DSCAM: variants seen among roughly 807,000 people sequenced by gnomAD.
DSCAM encodes DS cell adhesion molecule, also known as cell adhesion molecule DSCAM.
Under a neutral mutation model 217.7 loss-of-function variants are expected in DSCAM, and 47 were observed. The observed-to-expected ratio is 0.22, with a 90% confidence interval of 0.17 to 0.28. The LOEUF (loss-of-function observed/expected upper bound fraction) is 0.28, where lower values mean the gene tolerates loss of function less well. Among genes scored for constraint, DSCAM ranks in the 10% least tolerant of loss-of-function variants. The pLI is 1.00. For synonymous variants in DSCAM, 1,056 were observed against 1,015.3 expected, an observed-to-expected ratio of 1.04 and a Z score of -0.76; for missense variants, 2,080 against 2,618.3, an observed-to-expected ratio of 0.79 and a Z score of 4.49.
chr21:40,171,058 C>T (rs558373510), intron 15 of DSCAM, among the ~76,000 whole-genome samples: 4 of 152,276 alleles, frequency 2.6e-5, no homozygotes, highest in Admixed American at 2.6e-4. Flanking sequence ...GAGTAACTTA[C>T]TTTTCCAATC....
At chr21:40,166,003 C>T (rs536991122) in intron 16 of DSCAM, among the ~76,000 whole-genome samples, 2 of 152,276 alleles carry the variant, frequency 1.3e-5, no homozygotes, top group South Asian at 2.1e-4. Context: ...TCACGCTGCC[C>T]GCTGGAAACA....
intron 5 of DSCAM, among the ~76,000 whole-genome samples, chr21:40,350,308 G>A (rs560732355): frequency 3.9e-5 from 6 of 152,192 alleles, no homozygotes; most frequent in African/African-American, 1.2e-4. Flanking sequence ...AAACTAATAA[G>A]CTTCTACTTA....
intron 3 of DSCAM, among the ~76,000 whole-genome samples, chr21:40,497,416 G>T (rs1423402079): frequency 7.1e-6 from 1 of 141,204 alleles, no homozygotes; most frequent in East Asian, 2.4e-4. Context: ...AAATCTAAAA[G>T]AATTAAATTC....
At chr21:40,794,503 T>G (rs1346381608) in intron 1 of DSCAM, among the ~76,000 whole-genome samples, 1 of 149,886 alleles carries the variant, frequency 6.7e-6, no homozygotes, top group Admixed American at 6.7e-5. Flanking sequence ...CAAAAACAAG[T>G]GTGTTATGAG....
chr21:40,526,580 G>A (rs1405295677), intron 3 of DSCAM, among the ~76,000 whole-genome samples: 1 of 152,084 alleles, frequency 6.6e-6, no homozygotes, highest in Non-Finnish European at 1.5e-5. Context: ...AGGCCGGGGG[G>A]TGGGATTCAG....
At chr21:40,639,078 T>C (rs1270606970) in intron 3 of DSCAM, among the ~76,000 whole-genome samples, 1 of 150,030 alleles carries the variant, frequency 6.7e-6, no homozygotes, top group Non-Finnish European at 1.5e-5. Context: ...ATCCTGCATT[T>C]TTTTTTTTTT....
chr21:40,242,174 G>C (rs2073162589), intron 11 of DSCAM, among the ~76,000 whole-genome samples: 1 of 150,158 alleles, frequency 6.7e-6, no homozygotes, highest in Non-Finnish European at 1.5e-5. Flanking sequence ...TTAAAAGAAA[G>C]AAAATGACTT....
intron 1 of DSCAM, among the ~76,000 whole-genome samples, chr21:40,818,900 A>AT (rs1459116186): frequency 6.6e-6 from 1 of 152,242 alleles, no homozygotes; most frequent in Admixed American, 6.5e-5. Flanking sequence ...ATTATTTTAT[A>AT]TAAAAAGAGC....
At chr21:40,439,543 G>A (rs1011430375) in intron 3 of DSCAM, among the ~76,000 whole-genome samples, 1 of 152,222 alleles carries the variant, frequency 6.6e-6, no homozygotes, top group Non-Finnish European at 1.5e-5. Context: ...AGAAGTGGCT[G>A]AGATCTGAGT....
chr21:40,474,827 G>T (rs1484914395), intron 3 of DSCAM, among the ~76,000 whole-genome samples: 2 of 152,168 alleles, frequency 1.3e-5, no homozygotes, highest in South Asian at 2.1e-4. Flanking sequence ...GGGGAACGTT[G>T]TTCTTGCCGT....
At chr21:40,209,684 T>C (rs1161046955) in intron 11 of DSCAM, among the ~76,000 whole-genome samples, 1 of 152,154 alleles carries the variant, frequency 6.6e-6, no homozygotes, top group Non-Finnish European at 1.5e-5. Context: ...CCCAAGGCAA[T>C]CAGTGGCCTG....
At chr21:40,533,523 ATCT>A (rs2076466600) in intron 3 of DSCAM, among the ~76,000 whole-genome samples, 3 of 148,094 alleles carry the variant, frequency 2.0e-5, no homozygotes, top group Admixed American at 1.3e-4. Flanking sequence ...CCATCCATCC[ATCT>A]GTCCATCCAT....
chr21:40,025,781 G>T (rs2088368314), intron 32 of DSCAM, among the ~76,000 whole-genome samples: 1 of 150,552 alleles, frequency 6.6e-6, no homozygotes, highest in South Asian at 2.1e-4. Flanking sequence ...TATTAGTCTT[G>T]CTAGCAGTCT....
At chr21:40,663,855 G>T (rs921798219) in intron 3 of DSCAM, among the ~76,000 whole-genome samples, 1 of 152,152 alleles carries the variant, frequency 6.6e-6, no homozygotes, top group Non-Finnish European at 1.5e-5. Flanking sequence ...TTTCAGTTCT[G>T]TGAGCCAATA....
chr21:40,233,884 C>T (rs1334916026), intron 11 of DSCAM, among the ~76,000 whole-genome samples: 1 of 152,156 alleles, frequency 6.6e-6, no homozygotes, highest in African/African-American at 2.4e-5. Context: ...GTTAAGATGG[C>T]TCCAGGCTGT....
chr21:40,536,648 C>T (rs1025713093), intron 3 of DSCAM, among the ~76,000 whole-genome samples: 3 of 152,208 alleles, frequency 2.0e-5, no homozygotes, highest in Admixed American at 6.5e-5. Context: ...CCTCGTGATC[C>T]GCCCGCCTTG....
intron 29 of DSCAM, 97 bp from the exon 30 acceptor site, chr21:40,052,204 A>G (rs2088944294): frequency 2.2e-6 from 3 of 1,351,318 alleles, no homozygotes; most frequent in Admixed American, 4.4e-5. Context: ...GTTATTGTTA[A>G]TGACAACCAC....
intron 11 of DSCAM, among the ~76,000 whole-genome samples, chr21:40,248,547 C>A (rs1283463825): frequency 7.2e-5 from 11 of 152,198 alleles, no homozygotes. Context: ...ACAAGTTCCT[C>A]ATTTCCATCT....
At chr21:40,357,550 T>G (rs2074708089) in intron 4 of DSCAM, among the ~76,000 whole-genome samples, 1 of 152,226 alleles carries the variant, frequency 6.6e-6, no homozygotes, top group African/African-American at 2.4e-5. Flanking sequence ...GCAGACCATA[T>G]AAACACCATT....
Sources: gnomAD v4.1 joint callset for allele counts (sites outside exome capture counted in the v4.1 genomes callset) on GRCh38, gnomAD v4.1.1 for gene constraint, MANE v1.5 for transcripts, NCBI Gene and HGNC (gene_info 2026-07-23, HGNC 2026-07-21) for gene names.